Variants in TRDN observed in about 807,000 individuals in gnomAD.
The protein encoded by TRDN is triadin in skeletal muscle.
TRDN carries 161 observed loss-of-function variants against 149.7 expected under a neutral mutation model. The ratio of observed to expected loss-of-function variants is 1.08; its 90% CI spans 0.95 to 1.23. The LOEUF (loss-of-function observed/expected upper bound fraction) is 1.23. Ranked by LOEUF, TRDN falls within the 50% of genes most tolerant of loss-of-function variation. The pLI, the probability that TRDN is intolerant of heterozygous loss-of-function variation, is 0.00. For missense variants in TRDN, 896 were observed against 823.5 expected, an observed-to-expected ratio of 1.09 and a Z score of -1.08; for synonymous variants, 294 against 250.5, an observed-to-expected ratio of 1.17 and a Z score of -1.64.
At chr6:123,308,806 G>A (rs1392963492) in intron 24 of TRDN, among the ~76,000 whole-genome samples, 3 of 151,990 alleles carry the variant, frequency 2.0e-5, no homozygotes, top group Non-Finnish European at 1.5e-5. Context: ...ACAGTACAGA[G>A]AGAATGATAG....
intron 23 of TRDN, among the ~76,000 whole-genome samples, chr6:123,327,507 A>G (rs1265899650): frequency 6.6e-6 from 1 of 152,096 alleles, no homozygotes; most frequent in African/African-American, 2.4e-5. Flanking sequence ...TTAAAAATGG[A>G]TTTCAAAATT....
In TRDN at chr6:123,530,627, C is replaced by T. The variant is rs150841371; in HGVS notation, c.425-62G>A. 5.1e-4 allele frequency: 501 copies of T among 990,020 alleles called. 1 individual carries two copies. In the African/African-American group the frequency reaches 8.0e-3, roughly 16 times the overall value. The allele number at this position is 990,020 out of a possible 1,614,324, so 61.3% of individuals were successfully genotyped here. A position where few individuals can be genotyped will look rare whatever the true frequency, so the allele number is the denominator to read the frequency against. On this transcript the variant is annotated intron_variant, in intron 4 of 40. Coordinates refer to ENST00000334268, the MANE Select transcript of TRDN (RefSeq NM_006073.4). ...AAAATGTATAAAATTTAAGCCATAG[C>T]TATGACCTAAACTTTATAAACCTAC...
intron 36 of TRDN, among the ~76,000 whole-genome samples, chr6:123,255,333 T>C (rs1776521303): frequency 6.6e-6 from 1 of 152,216 alleles, no homozygotes; most frequent in Non-Finnish European, 1.5e-5. Context: ...ATAACATGAA[T>C]GTAGGAACAA....
At chr6:123,346,596 CA>C (rs1347379904) in intron 21 of TRDN, among the ~76,000 whole-genome samples, 9 of 151,896 alleles carry the variant, frequency 5.9e-5, no homozygotes, top group African/African-American at 1.9e-4. Context: ...TTGTGCTTAC[CA>C]GAATGACAGA....
intron 38 of TRDN, among the ~76,000 whole-genome samples, chr6:123,226,801 T>C (rs539315883): frequency 2.6e-5 from 4 of 151,974 alleles, no homozygotes; most frequent in African/African-American, 9.6e-5. Flanking sequence ...TCTGAGAAGG[T>C]AGAATCATGG....
At chr6:123,277,423 T>G (rs1777407763) in intron 26 of TRDN, among the ~76,000 whole-genome samples, 1 of 152,146 alleles carries the variant, frequency 6.6e-6, no homozygotes, top group South Asian at 2.1e-4. Context: ...TATGCTTACA[T>G]CCTAACCTCC....
chr6:123,464,920 G>A lies in TRDN; in HGVS notation c.917C>T (p.Ser306Leu), dbSNP rs1345230135. The A allele has an allele frequency of 1.3e-6, 2 of 1,590,552 alleles. No homozygotes were observed. The highest frequency in any genetic ancestry group is 1.1e-5 in the South Asian group (1 of 86,994). The change falls in exon 10 of 41, where the codon TCA becomes TTA. Residue 306 changes from serine to leucine, a missense_variant. Physicochemically the swap from Ser to Leu is moderately radical, Grantham distance 145. Coordinates refer to ENST00000334268, the MANE Select transcript of TRDN (RefSeq NM_006073.4). ...TEQASRPTPA[S>L]PALEEKEGEK... Reference sequence around the variant, plus strand: ...AAAGTACTTGCCTTCAAGGGCAGGTGATGCCGGAGTGGGTCTGGAAGCTTG... The same window carrying A: ...AAAGTACTTGCCTTCAAGGGCAGGTAATGCCGGAGTGGGTCTGGAAGCTTG...
intron 10 of TRDN, among the ~76,000 whole-genome samples, chr6:123,454,032 G>A (rs2114665890): frequency 6.6e-6 from 1 of 152,056 alleles, no homozygotes; most frequent in African/African-American, 2.4e-5. Context: ...ACTCAGGAAT[G>A]GAAAACCAAA....
At chr6:123,424,745 T>C (rs1185075874) in intron 12 of TRDN, among the ~76,000 whole-genome samples, 1 of 152,140 alleles carries the variant, frequency 6.6e-6, no homozygotes, top group African/African-American at 2.4e-5. Flanking sequence ...CCAGGTGTTA[T>C]CGTCGCCCTT....
At chr6:123,538,423 G>A (rs117685521) in intron 4 of TRDN, among the ~76,000 whole-genome samples, 2,070 of 152,088 alleles carry the variant, frequency 0.014, 19 homozygotes, top group Non-Finnish European at 0.019. Flanking sequence ...CAGATTATCC[G>A]TAAATATCTG....
chr6:123,315,145 G>T (rs890008817), intron 24 of TRDN, among the ~76,000 whole-genome samples: 3 of 151,840 alleles, frequency 2.0e-5, no homozygotes, highest in African/African-American at 7.2e-5. Flanking sequence ...AAGAGGAAAG[G>T]ACAACATAAT....
intron 19 of TRDN, among the ~76,000 whole-genome samples, chr6:123,369,921 C>T (rs1028980895): frequency 2.6e-5 from 4 of 152,170 alleles, no homozygotes; most frequent in Non-Finnish European, 5.9e-5. Flanking sequence ...TCTTTAGAGA[C>T]ACAGACAACC....
rs9490740 is a variant in TRDN at position 123,398,438 on chromosome 6, C to T, written c.1052-4761G>A. 6.7e-3 allele frequency among the ~76,000 whole-genome samples: 1,026 copies of T among 152,282 alleles called. 9 individuals carry two copies. Among genetic ancestry groups the T allele is most frequent in the African/African-American group, 0.023 (974 of 41,562 alleles). On this transcript the variant is annotated intron_variant, in intron 12 of 40. Coordinates refer to ENST00000334268, the MANE Select transcript of TRDN (RefSeq NM_006073.4). ...ACCCAGCATTATAAAACCTTGACCCCTCAAAATATATACATCCTTTATTTT... is the reference window on the plus strand; with the variant it reads ...ACCCAGCATTATAAAACCTTGACCCTTCAAAATATATACATCCTTTATTTT...
rs1372320211 is a variant in TRDN, at chr6:123,615,535, T to TACAC, written c.22+21218_22+21219insGTGT. On this transcript the variant is annotated intron_variant, in intron 1 of 40. Coordinates refer to ENST00000334268, the MANE Select transcript of TRDN (RefSeq NM_006073.4). ...CCCATTCACGTTTGAAAAACATGTATATACACACACACACACACACACACA... is the reference window on the plus strand; with the variant it reads ...CCCATTCACGTTTGAAAAACATGTATACACATACACACACACACACACACACACA... Among the ~76,000 whole-genome samples, 1,040 of 143,158 alleles carry TACAC rather than the reference T, an allele frequency of 7.3e-3. 12 individuals carry two copies. The highest frequency in any genetic ancestry group is 0.029 in the African/African-American group (987 of 34,010). 93.9% of individuals were successfully genotyped at this position (143,158 alleles called of 152,430 possible).
chr6:123,512,483 T>C, intron 6 of TRDN, 121 bp from the exon 7 acceptor site: 2 of 555,832 alleles, frequency 3.6e-6, no homozygotes, highest in South Asian at 2.7e-5. Context: ...ATGTATGACA[T>C]TAATAAGTCT....
chr6:123,405,557 C>T (rs535942867), intron 12 of TRDN, among the ~76,000 whole-genome samples: 2 of 152,270 alleles, frequency 1.3e-5, no homozygotes, highest in African/African-American at 4.8e-5. Context: ...TTAGCATCAA[C>T]AAGAAATCTC....
rs111916079 is a variant in TRDN at position 123,267,832 on chromosome 6, C to T, written c.1739-81G>A. ...CTTATTTATATATTTGCAAGTGATC[C>T]TCAGTTTACCCAAGAGGCATGCCCC... On this transcript the variant is annotated intron_variant, in intron 31 of 40. Coordinates refer to ENST00000334268, the MANE Select transcript of TRDN (RefSeq NM_006073.4). 13 of 1,114,152 alleles carry T rather than the reference C, an allele frequency of 1.2e-5. 1 individual carries two copies. Among genetic ancestry groups the T allele is most frequent in the Middle Eastern group, 2.1e-4 (1 of 4,860 alleles). 69.0% of individuals were successfully genotyped at this position (1,114,152 alleles called of 1,614,324 possible).
intron 24 of TRDN, among the ~76,000 whole-genome samples, chr6:123,292,038 ATTC>A (rs1276456830): frequency 6.6e-6 from 1 of 151,776 alleles, no homozygotes; most frequent in Non-Finnish European, 1.5e-5. Flanking sequence ...TTGGTTTTTG[ATTC>A]TTAAGTTGCT....
At chr6:123,329,949 G>A (rs1779599314) in intron 23 of TRDN, among the ~76,000 whole-genome samples, 1 of 151,986 alleles carries the variant, frequency 6.6e-6, no homozygotes, top group African/African-American at 2.4e-5. Flanking sequence ...TGAGGATTTA[G>A]CTAATGCATC....
Sources: gnomAD v4.1 joint callset for allele counts (sites outside exome capture counted in the v4.1 genomes callset) on GRCh38, gnomAD v4.1.1 for gene constraint, MANE v1.5 for transcripts, NCBI Gene and HGNC (gene_info 2026-07-23, HGNC 2026-07-21) for gene names.